HYDIN: variants seen among roughly 807,000 people sequenced by gnomAD.
HYDIN encodes HYDIN axonemal central pair apparatus protein.
Under a neutral mutation model 403.9 loss-of-function variants are expected in HYDIN, and 132 were observed. The observed-to-expected ratio is 0.33, with a 90% CI of 0.28 to 0.38. The LOEUF is 0.38. HYDIN is among the 10% of genes least tolerant of loss of function. The pLI, the probability that HYDIN is intolerant of heterozygous loss-of-function variation, is 1.00. For missense variants in HYDIN, 2,827 were observed against 5,009.5 expected (o/e 0.56, Z 13.15); for synonymous variants, 1,202 against 1,891.7 (o/e 0.64, Z 9.46).
intron 2 of HYDIN, 70 bp from the exon 3 acceptor site, chr16:71,185,060 C>T: frequency 9.2e-7 from 1 of 1,092,598 alleles, no homozygotes; most frequent in Non-Finnish European, 1.3e-6. Flanking sequence ...TCATAAGTAC[C>T]AGTAATGAAT....
chr16:71,106,315 C>T (rs975279054), intron 10 of HYDIN, among the ~76,000 whole-genome samples: 48 of 152,120 alleles, frequency 3.2e-4, no homozygotes, highest in African/African-American at 1.1e-3. Flanking sequence ...GCATGCCCAG[C>T]CTTTGTTTAT....
chr16:70,950,317 C>G (rs1388563624), intron 41 of HYDIN, among the ~76,000 whole-genome samples: 1 of 151,966 alleles, frequency 6.6e-6, no homozygotes, highest in East Asian at 1.9e-4. Context: ...GTGGTGCCAT[C>G]TTGGCTCACT....
At chr16:70,986,309 A>G (rs2079190653) in intron 27 of HYDIN, among the ~76,000 whole-genome samples, 1 of 150,860 alleles carries the variant, frequency 6.6e-6, no homozygotes, top group African/African-American at 2.4e-5. Context: ...AGCAGGCCCA[A>G]TAACCACAAA....
At chr16:70,962,297 G>C (rs375453256) in intron 37 of HYDIN, among the ~76,000 whole-genome samples, 159 bp from the exon 38 acceptor site, 2,930 of 151,034 alleles carry the variant, frequency 0.019, 53 homozygotes, top group Middle Eastern at 0.079. Context: ...ACTGCAGTCA[G>C]TTGGCTATTC....
intron 4 of HYDIN, among the ~76,000 whole-genome samples, chr16:71,176,177 T>C (rs1010010264): frequency 6.6e-6 from 1 of 151,722 alleles, no homozygotes; most frequent in African/African-American, 2.4e-5. Flanking sequence ...TGGTAGCATG[T>C]GCCTGTAGTC....
chr16:71,108,615 T>G (rs543064939), intron 10 of HYDIN, among the ~76,000 whole-genome samples: 2,962 of 152,134 alleles, frequency 0.019, 80 homozygotes, highest in African/African-American at 0.065. Flanking sequence ...CTGAAAGTTC[T>G]GGACGTCAAA....
intron 18 of HYDIN, 44 bp from the exon 19 acceptor site, chr16:71,031,961 T>C (rs1339176372): frequency 2.8e-5 from 44 of 1,581,052 alleles, no homozygotes; most frequent in Non-Finnish European, 3.6e-5. Flanking sequence ...TATTCTTGGC[T>C]TTTTGTTCTA....
chr16:70,967,520 C>T (rs2078614400), intron 36 of HYDIN, among the ~76,000 whole-genome samples: 1 of 151,694 alleles, frequency 6.6e-6, no homozygotes, highest in African/African-American at 2.4e-5. Flanking sequence ...CTCGCTCTGT[C>T]GCCCAGGCTG....
chr16:70,821,887 C>T (rs140109003), intron 83 of HYDIN, among the ~76,000 whole-genome samples: 2,208 of 152,172 alleles, frequency 0.015, 56 homozygotes, highest in African/African-American at 0.051. Context: ...ATATTTTAAG[C>T]CCACTGTTGA....
intron 3 of HYDIN, among the ~76,000 whole-genome samples, chr16:71,179,805 C>T (rs1447894469): frequency 6.6e-6 from 1 of 152,144 alleles, no homozygotes; most frequent in Non-Finnish European, 1.5e-5. Context: ...GCTGAAACTA[C>T]GAATTACCCC....
intron 1 of HYDIN, among the ~76,000 whole-genome samples, chr16:71,191,606 C>T (rs2087441587): frequency 6.6e-6 from 1 of 152,126 alleles, no homozygotes; most frequent in South Asian, 2.1e-4. Flanking sequence ...CCTAGACTCA[C>T]AACCTTGCAA....
intron 84 of HYDIN, among the ~76,000 whole-genome samples, chr16:70,813,374 C>G: frequency 6.6e-6 from 1 of 152,002 alleles, no homozygotes; most frequent in East Asian, 1.9e-4. Context: ...AGCCTCCAGC[C>G]AACAGCCAGC....
chr16:71,170,311 T>C (rs913793684), intron 5 of HYDIN, among the ~76,000 whole-genome samples: 1 of 152,220 alleles, frequency 6.6e-6, no homozygotes, highest in Non-Finnish European at 1.5e-5. Context: ...AACTTAACCC[T>C]CAGTGATGTA....
intron 5 of HYDIN, among the ~76,000 whole-genome samples, chr16:71,174,458 A>C (rs2086586819): frequency 6.6e-6 from 1 of 152,212 alleles, no homozygotes. Flanking sequence ...ACAGATAAGC[A>C]TGCCTGCTAT....
At chr16:70,910,251 C>A (rs1054003138) in intron 47 of HYDIN, among the ~76,000 whole-genome samples, 1 of 152,172 alleles carries the variant, frequency 6.6e-6, no homozygotes, top group African/African-American at 2.4e-5. Flanking sequence ...CACCCTTCCC[C>A]CCAAGTCCCC....
intron 1 of HYDIN, among the ~76,000 whole-genome samples, chr16:71,192,714 T>C (rs2087496673): frequency 6.6e-6 from 1 of 152,290 alleles, no homozygotes; most frequent in South Asian, 2.1e-4. Context: ...ACTCCTATCA[T>C]GGTTATTGAT....
chr16:70,805,528 C>T lies in HYDIN; in HGVS notation c.*2052G>A, dbSNP rs1040832203. ...CAAGCCCCACCCAAATCTCCTAGAT[C>T]GGACTTCCTGAGGGTGGGGCTCAGC... On this transcript the variant is annotated 3_prime_UTR_variant, in exon 86 of 86. Transcript: ENST00000393567. Among the ~76,000 whole-genome samples the T allele has an allele frequency of 2.0e-5, 3 of 152,190 alleles. No individual in the cohort carries two copies. The highest frequency in any genetic ancestry group is 2.9e-5 in the Non-Finnish European group (2 of 68,028).
chr16:70,807,628 A>G lies in HYDIN; in HGVS notation c.15318T>C (p.Ser5106=), dbSNP rs1276808393. The change falls in exon 86 of 86, where the codon AGT becomes AGC. Residue 5106 remains serine (S), a synonymous_variant. Transcript: ENST00000393567. ...AATAAACCCATTTAACTCCAGTCTCACTCCCTTCACCAGGAGGGCAGCTCA... is the reference window on the plus strand; with the variant it reads ...AATAAACCCATTTAACTCCAGTCTCGCTCCCTTCACCAGGAGGGCAGCTCA... ...LTVSCPPGEG[S]ETGVKWVYYL... 1.2e-6 allele frequency: 2 copies of G among 1,613,648 alleles called. No homozygotes were observed. The highest frequency in any genetic ancestry group is 1.7e-6 in the Non-Finnish European group (2 of 1,179,924).
intron 1 of HYDIN, among the ~76,000 whole-genome samples, chr16:71,194,807 G>T (rs897423967): frequency 1.3e-5 from 2 of 152,208 alleles, no homozygotes; most frequent in African/African-American, 4.8e-5. Context: ...TAAGGTTGGA[G>T]AATCCACTTC....
Sources: gnomAD v4.1 joint callset for allele counts (sites outside exome capture counted in the v4.1 genomes callset) on GRCh38, gnomAD v4.1.1 for gene constraint, MANE v1.5 for transcripts, NCBI Gene and HGNC (gene_info 2026-07-23, HGNC 2026-07-21) for gene names.